The following TEX11 variants were observed in gnomAD, a reference collection of about 807,000 sequenced individuals.
The protein encoded by TEX11 is testis-expressed protein 11.
In TEX11, 7 loss-of-function variants were observed where a neutral mutation model predicts 84.4. The ratio of observed to expected loss-of-function variants is 0.08; its 90% CI spans 0.05 to 0.16. The LOEUF is 0.16. Ranked by LOEUF, TEX11 falls within the 10% of genes least tolerant of loss-of-function variation. TEX11 has a pLI of 1.00. For synonymous variants in TEX11, 264 were observed against 222.8 expected (o/e 1.18, Z -1.64); for missense variants, 551 against 660.5 (o/e 0.83, Z 1.82).
At chrX:70,893,784 G>A (rs1329579285) in intron 2 of TEX11, among the ~76,000 whole-genome samples, 1 of 111,252 alleles carries the variant, frequency 9.0e-6, no homozygotes, top group Non-Finnish European at 1.9e-5. Context: ...ATTGAGTCCA[G>A]GAGCTGGTTT....
rs1409870619 is a variant in TEX11 at position 70,762,131 on chromosome X, C to T, written c.693-17912G>A. ...CAAAAGCTGAGGAATTTCATGAACA[C>T]CAGACCTGTCCTGCAAGAAATGCTG... On this transcript the variant is annotated intron_variant, in intron 9 of 29. Transcript: ENST00000374333. 2.4e-4 allele frequency among the ~76,000 whole-genome samples: 27 copies of T among 111,684 alleles called. No individual in the cohort carries two copies. The Admixed American group carries it at 2.5e-3, about 10-fold the overall frequency.
chrX:70,692,242 C>A (rs763771608), intron 13 of TEX11, among the ~76,000 whole-genome samples: 2 of 111,624 alleles, frequency 1.8e-5, no homozygotes, highest in East Asian at 5.6e-4. Flanking sequence ...CAAAAGCTCC[C>A]TTGGGTCTCT....
chrX:70,881,342 A>C (rs1220120751), intron 2 of TEX11, among the ~76,000 whole-genome samples: 1 of 108,967 alleles, frequency 9.2e-6, no homozygotes, highest in Admixed American at 9.9e-5. Context: ...AAAAAAAAAA[A>C]CTAAAACTAA....
intron 24 of TEX11, among the ~76,000 whole-genome samples, chrX:70,603,791 G>A (rs998829872): frequency 2.7e-5 from 3 of 110,186 alleles, no homozygotes; most frequent in Non-Finnish European, 5.7e-5. Context: ...GAAAATTTTC[G>A]CAACCTACTC....
At chrX:70,596,197 T>C (rs745321592) in intron 24 of TEX11, among the ~76,000 whole-genome samples, 1 of 111,647 alleles carries the variant, frequency 9.0e-6, no homozygotes, top group Non-Finnish European at 1.9e-5. Context: ...AGTTGGAGAC[T>C]TCAATAGCCC....
Position 70,732,082 on chromosome X carries a change from G to A in TEX11, c.844-6739C>T, listed in dbSNP as rs749164110. 7.2e-5 allele frequency among the ~76,000 whole-genome samples: 8 copies of A among 111,614 alleles called. No homozygotes were observed. In the South Asian group the frequency reaches 3.0e-3, roughly 42 times the overall value. On this transcript the variant is annotated intron_variant, in intron 11 of 29. Transcript: ENST00000374333. ...TGATTATCTCAATAGATGCAGAAAA[G>A]GCCTTTGACAAAATTCAACAACCCT...
chrX:70,880,154 T>C (rs764104001), intron 2 of TEX11, 45 bp from the exon 3 acceptor site: 2 of 1,034,213 alleles, frequency 1.9e-6, no homozygotes, highest in Non-Finnish European at 2.6e-6. Context: ...CTATTACCAT[T>C]GGCTAAATGT....
intron 9 of TEX11, among the ~76,000 whole-genome samples, chrX:70,774,408 G>T (rs1233858907): frequency 2.7e-5 from 3 of 110,330 alleles, no homozygotes; most frequent in Non-Finnish European, 5.7e-5. Context: ...AAAATAAAAG[G>T]CATCCGAACT....
At chrX:70,635,001 T>C (rs1315304278) in intron 17 of TEX11, among the ~76,000 whole-genome samples, 1 of 112,113 alleles carries the variant, frequency 8.9e-6, no homozygotes, top group African/African-American at 3.2e-5. Context: ...GATAAAGAGC[T>C]TGTGTCCACT....
Position 70,554,643 on chromosome X carries a change from G to T in TEX11, c.2290+8C>A, listed in dbSNP as rs1177646259. ...CCAGCCTTACAAAAGCATAAATATAGCTCTTACTTGCAATTGTTTCAAAAG... is the reference window on the plus strand; with the variant it reads ...CCAGCCTTACAAAAGCATAAATATATCTCTTACTTGCAATTGTTTCAAAAG... On this transcript the variant is annotated splice_region_variant and intron_variant, in intron 26 of 29. Coordinates refer to ENST00000374333, the MANE Select transcript of TEX11 (RefSeq NM_031276.3). The T allele has an allele frequency of 3.4e-6, 4 of 1,188,350 alleles. No homozygotes were observed. Among genetic ancestry groups the T allele is most frequent in the Non-Finnish European group, 4.5e-6 (4 of 885,627 alleles).
chrX:70,663,320 A>G (rs1349267339), intron 16 of TEX11, among the ~76,000 whole-genome samples: 1 of 111,809 alleles, frequency 8.9e-6, no homozygotes, highest in Non-Finnish European at 1.9e-5. Flanking sequence ...GGTAGGTCAA[A>G]TAATTAAGAA....
At chrX:70,761,487 A>T (rs1466411408) in intron 9 of TEX11, among the ~76,000 whole-genome samples, 2 of 111,894 alleles carry the variant, frequency 1.8e-5, no homozygotes, top group Admixed American at 9.5e-5. Flanking sequence ...GGATACCATC[A>T]TTCTCAGCAA....
At chrX:70,866,641 C>G (rs990993298) in intron 4 of TEX11, among the ~76,000 whole-genome samples, 2 of 111,501 alleles carry the variant, frequency 1.8e-5, no homozygotes, top group African/African-American at 6.5e-5. Flanking sequence ...ATGCGAAAAT[C>G]CTCAATAAAA....
intron 25 of TEX11, 39 bp from the exon 26 acceptor site, chrX:70,554,839 T>C: frequency 8.9e-7 from 1 of 1,127,830 alleles, no homozygotes; most frequent in Admixed American, 2.6e-5. Flanking sequence ...TTTGTGATTA[T>C]ATTATATTAT....
At chrX:70,882,269 A>T (rs1395754399) in intron 2 of TEX11, among the ~76,000 whole-genome samples, 1 of 111,062 alleles carries the variant, frequency 9.0e-6, no homozygotes, top group Non-Finnish European at 1.9e-5. Flanking sequence ...ACAGATTTTT[A>T]AAAATATTTT....
chrX:70,679,834 G>A (rs1240618561), intron 14 of TEX11, among the ~76,000 whole-genome samples: 2 of 88,810 alleles, frequency 2.3e-5, no homozygotes, highest in Non-Finnish European at 4.6e-5. Context: ...GAGGTGGGAG[G>A]GGTCAGCCCC....
chrX:70,689,620 A>G (rs1383670993), intron 13 of TEX11, among the ~76,000 whole-genome samples: 2 of 111,964 alleles, frequency 1.8e-5, no homozygotes, highest in African/African-American at 3.2e-5. Flanking sequence ...AGCTAAAACA[A>G]TCTGAACAAC....
intron 11 of TEX11, among the ~76,000 whole-genome samples, chrX:70,731,832 C>T (rs1021930601): frequency 1.8e-5 from 2 of 110,643 alleles, no homozygotes; most frequent in African/African-American, 3.3e-5. Flanking sequence ...ATACCAAAGC[C>T]GGGCAGAGAC....
At chrX:70,888,846 C>CA (rs2147878937) in intron 2 of TEX11, among the ~76,000 whole-genome samples, 1 of 111,354 alleles carries the variant, frequency 9.0e-6, no homozygotes, top group South Asian at 3.7e-4. Context: ...AGAAAAGAAA[C>CA]AAATCACATG....
Sources: allele counts gnomAD v4.1 joint callset (sites outside exome capture counted in the v4.1 genomes callset), GRCh38; gene constraint gnomAD v4.1.1; transcripts MANE v1.5; gene names NCBI Gene and HGNC (gene_info 2026-07-23, HGNC 2026-07-21).